Variants in EPS15 observed in about 807,000 individuals in gnomAD.
EPS15 encodes the protein epidermal growth factor receptor pathway substrate 15, also known as epidermal growth factor receptor substrate 15.
EPS15 carries 72 observed loss-of-function variants against 113.8 expected under a neutral mutation model. The observed-to-expected ratio is 0.63, with a 90% CI of 0.52 to 0.77. The LOEUF is 0.77. Among genes scored for constraint, EPS15 ranks in the 30% least tolerant of loss-of-function variants. The pLI is 0.00. For synonymous variants in EPS15, 344 were observed against 363.4 expected (o/e 0.95, Z 0.61); for missense variants, 1,048 against 1,045.8 (o/e 1.00, Z -0.03).
chr1:51,394,516 C>A, intron 20 of EPS15, 69 bp from the exon 21 acceptor site: 1 of 836,408 alleles, frequency 1.2e-6, no homozygotes, highest in Non-Finnish European at 1.9e-6. Flanking sequence ...ATCACCACTC[C>A]AAAGAATATA....
At chr1:51,445,852 T>A (rs1023222267) in intron 10 of EPS15, among the ~76,000 whole-genome samples, 1 of 152,202 alleles carries the variant, frequency 6.6e-6, no homozygotes, top group Admixed American at 6.5e-5. Context: ...GTGGAGATGA[T>A]AACACCCATC....
chr1:51,368,219 T>C (rs138133905), intron 21 of EPS15, among the ~76,000 whole-genome samples: 389 of 152,336 alleles, frequency 2.6e-3, no homozygotes, highest in Non-Finnish European at 4.5e-3. Context: ...TTTGAATGTG[T>C]AAAGTGTGCC....
chr1:51,413,152 C>T (rs1400329055), intron 13 of EPS15, among the ~76,000 whole-genome samples: 1 of 152,132 alleles, frequency 6.6e-6, no homozygotes, highest in Non-Finnish European at 1.5e-5. Flanking sequence ...TTTCCACAAG[C>T]CATAACCTCT....
Position 51,355,034 on chromosome 1 carries a change from C to T in EPS15, c.*1666G>A, listed in dbSNP as rs977439206. The T allele has an allele frequency of 9.0e-6, 2 of 223,362 alleles. No homozygotes were observed. 13.8% of individuals were successfully genotyped at this position (223,362 alleles called of 1,614,324 possible). On this transcript the variant is annotated 3_prime_UTR_variant, in exon 25 of 25. Transcript: ENST00000371733. ...AATTTTGCAGAAAATCCTTAGGTCA[C>T]TGGATTCGTTTATCAAAATTAAGCC...
At chr1:51,456,060 T>C (rs932185524) in intron 8 of EPS15, among the ~76,000 whole-genome samples, 2 of 152,140 alleles carry the variant, frequency 1.3e-5, no homozygotes, top group African/African-American at 4.8e-5. Flanking sequence ...CAAGGGCCAT[T>C]CATCAAAGGT....
At chr1:51,436,955 T>G (rs1652197514) in intron 12 of EPS15, among the ~76,000 whole-genome samples, 1 of 152,156 alleles carries the variant, frequency 6.6e-6, no homozygotes, top group Non-Finnish European at 1.5e-5. Flanking sequence ...AGTAAGAGAT[T>G]CAGATATTCG....
intron 1 of EPS15, among the ~76,000 whole-genome samples, chr1:51,493,571 AAT>A (rs1417495259): frequency 6.9e-5 from 10 of 144,940 alleles, no homozygotes; most frequent in Middle Eastern, 3.6e-3. Context: ...TAAATAAATA[AAT>A]AAATAAAAAT....
At chr1:51,371,415 G>A (rs1387276871) in intron 21 of EPS15, among the ~76,000 whole-genome samples, 1 of 151,754 alleles carries the variant, frequency 6.6e-6, no homozygotes, top group Non-Finnish European at 1.5e-5. Flanking sequence ...TGATGGTCCT[G>A]ACCCCGTGCA....
chr1:51,396,051 A>G (rs1557797785), intron 20 of EPS15, among the ~76,000 whole-genome samples: 1 of 152,212 alleles, frequency 6.6e-6, no homozygotes, highest in Non-Finnish European at 1.5e-5. Flanking sequence ...TACTAGCAGA[A>G]AGAATTAATA....
chr1:51,422,136 GTTTC>G, intron 12 of EPS15: 1 of 853,582 alleles, frequency 1.2e-6, no homozygotes. Flanking sequence ...AAACACTCAG[GTTTC>G]ACTGATGTCA....
intron 1 of EPS15, among the ~76,000 whole-genome samples, chr1:51,493,437 A>G (rs1395856018): frequency 6.6e-6 from 1 of 150,608 alleles, no homozygotes; most frequent in Non-Finnish European, 1.5e-5. Context: ...AGGCAGGAGA[A>G]TGGCATGAAC....
chr1:51,378,063 T>C lies in EPS15; in HGVS notation c.2120-12034A>G, dbSNP rs1646845507. Among the ~76,000 whole-genome samples the C allele has an allele frequency of 2.0e-5, 3 of 151,868 alleles. 1 individual carries two copies. In the South Asian group the frequency reaches 6.3e-4, roughly 32 times the overall value. On this transcript the variant is annotated intron_variant, in intron 21 of 24. Transcript: ENST00000371733. ...GGCACCCGCCACCACGCCTGGCTAA[T>C]TTTTTGTATTTTTAGTAGAGACGTG...
chr1:51,508,290 A>AAGAG (rs375226658), intron 1 of EPS15, among the ~76,000 whole-genome samples: 3 of 134,082 alleles, frequency 2.2e-5, no homozygotes, highest in Admixed American at 1.5e-4. Flanking sequence ...GAAAGAGAGA[A>AAGAG]AGAGAGAGAG....
At chr1:51,422,130 ACT>A in intron 12 of EPS15, 1 of 921,796 alleles carries the variant, frequency 1.1e-6, no homozygotes. Flanking sequence ...TCAATGAAAC[ACT>A]CAGGTTTCAC....
intron 12 of EPS15, among the ~76,000 whole-genome samples, chr1:51,434,934 A>T (rs939878260): frequency 6.6e-6 from 1 of 152,118 alleles, no homozygotes; most frequent in Non-Finnish European, 1.5e-5. Context: ...AGCCTCCCAA[A>T]GTGCTGGGAT....
At chr1:51,428,955 G>A (rs1463875942) in intron 12 of EPS15, among the ~76,000 whole-genome samples, 1 of 151,948 alleles carries the variant, frequency 6.6e-6, no homozygotes, top group African/African-American at 2.4e-5. Context: ...GCATTGGTGT[G>A]ATCATAGCTC....
At position 51,406,059 on chromosome 1, in the gene EPS15, T is replaced by A. The variant is rs147060907; in HGVS notation, c.1523A>T (p.Gln508Leu). The change falls in exon 16 of 25, where the codon CAG becomes CTG. Residue 508 changes from glutamine (Q) to leucine (L), a missense_variant. Gln to Leu is a moderately radical substitution (Grantham distance 113). Transcript: ENST00000371733. ...GTGTGGGCTACTGCACCAATTTAAC[T>A]GACTATTATGATTTTCCAAATCTTT... is the stretch of plus-strand genomic sequence containing the variant. ...EMKDLENHNS[Q>L]LNWCSSPHSI... The A allele has an allele frequency of 1.2e-6, 2 of 1,614,020 alleles. No homozygotes were observed. Among genetic ancestry groups the A allele is most frequent in the Non-Finnish European group, 1.7e-6 (2 of 1,180,000 alleles).
chr1:51,447,976 G>T (rs1653200543), intron 9 of EPS15, 70 bp downstream of exon 9: 1 of 1,578,084 alleles, frequency 6.3e-7, no homozygotes. Flanking sequence ...CCTACAGATG[G>T]TAAGGAGTGG....
rs538054041 is a variant in EPS15 at position 51,431,538 on chromosome 1, C to T, written c.1040+8809G>A. ...TTGGCTCACTACAACCTCTGCCTCC[C>T]GGGTTCAAGCAGTTCTCCTGTCTCG... is the stretch of plus-strand genomic sequence containing the variant. On this transcript the variant is annotated intron_variant, in intron 12 of 24. Transcript: ENST00000371733. Among the ~76,000 whole-genome samples the T allele has an allele frequency of 1.3e-3, 202 of 151,978 alleles. 1 individual carries two copies. The South Asian group carries it at 0.016, about 12-fold the overall frequency.
Sources: allele counts gnomAD v4.1 joint callset (sites outside exome capture counted in the v4.1 genomes callset), GRCh38; gene constraint gnomAD v4.1.1; transcripts MANE v1.5; gene names NCBI Gene and HGNC (gene_info 2026-07-23, HGNC 2026-07-21).